PPP1CB: variants seen among roughly 807,000 people sequenced by gnomAD.
PPP1CB encodes serine/threonine-protein phosphatase PP1-beta catalytic subunit.
In PPP1CB, 2 loss-of-function variants were observed where a neutral mutation model predicts 43.7. That is an observed-to-expected ratio of 0.05 (90% CI 0.02 to 0.14). The LOEUF is 0.14. Among genes scored for constraint, PPP1CB ranks in the 10% least tolerant of loss-of-function variants. PPP1CB has a pLI of 1.00. For missense variants in PPP1CB, 84 were observed against 398.0 expected, an observed-to-expected ratio of 0.21 and a Z score of 6.71; for synonymous variants, 136 against 135.6, an observed-to-expected ratio of 1.00 and a Z score of -0.02.
chr2:28,799,291 G>A lies in PPP1CB; in HGVS notation c.972G>A (p.Pro324=), dbSNP rs771187371. 51 of 1,599,538 alleles carry A rather than the reference G, an allele frequency of 3.2e-5. No homozygotes were observed. In the Admixed American group the frequency reaches 4.0e-4, roughly 13 times the overall value. Reference sequence around the variant, plus strand: ...CTCCACCTCGAACAGCTAATCCGCCGAAGAAAAGGTGAAGAAAGGAATTCT... The same window carrying A: ...CTCCACCTCGAACAGCTAATCCGCCAAAGAAAAGGTGAAGAAAGGAATTCT... ...PVTPPRTANP[P]KKR Residue 324 remains proline, a synonymous_variant, in exon 8 of 8, where the codon CCG becomes CCA. Coordinates refer to ENST00000395366, the MANE Select transcript of PPP1CB (RefSeq NM_002709.3).
chr2:28,751,984 G>A lies in PPP1CB; in HGVS notation c.-141G>A. 1.3e-6 allele frequency: 1 copy of A among 749,562 alleles called. No homozygotes were observed. The highest frequency in any genetic ancestry group is 3.0e-5 in the East Asian group (1 of 33,814). 46.4% of individuals were successfully genotyped at this position (749,562 alleles called of 1,614,324 possible). Reference sequence around the variant, plus strand: ...CCCGGCGGGGAGGGGGTGGGGGGAGGGCCCGGGAAAAGGGGGAGTTGGAGC... The same window carrying A: ...CCCGGCGGGGAGGGGGTGGGGGGAGAGCCCGGGAAAAGGGGGAGTTGGAGC... On this transcript the variant is annotated 5_prime_UTR_variant, in exon 1 of 8. Transcript: ENST00000395366.
chr2:28,776,801 T>A (rs1367117396), intron 1 of PPP1CB, 50 bp from the exon 2 acceptor site: 1 of 1,555,694 alleles, frequency 6.4e-7, no homozygotes, highest in Non-Finnish European at 8.8e-7. Flanking sequence ...TTTGAAAGAT[T>A]ATTATGAGTA....
chr2:28,771,243 G>T (rs374347319), intron 1 of PPP1CB, among the ~76,000 whole-genome samples: 44 of 151,868 alleles, frequency 2.9e-4, no homozygotes, highest in African/African-American at 1.0e-3. Context: ...TAGTAGAGGC[G>T]GAGTTTCACC....
chr2:28,782,872 T>C (rs1460546372), intron 4 of PPP1CB: 1 of 152,206 alleles, frequency 6.6e-6, no homozygotes, highest in Non-Finnish European at 1.5e-5. Flanking sequence ...AGGTAATAAA[T>C]GGTTTATTCT....
chr2:28,780,082 TTC>T (rs1360418293), intron 3 of PPP1CB, among the ~76,000 whole-genome samples: 25 of 132,238 alleles, frequency 1.9e-4, no homozygotes, highest in African/African-American at 6.9e-4. Flanking sequence ...TTTCTTTTCT[TTC>T]TTTTTTTTTT....
At chr2:28,789,399 C>T (rs981854057) in intron 6 of PPP1CB, among the ~76,000 whole-genome samples, 2 of 151,500 alleles carry the variant, frequency 1.3e-5, no homozygotes, top group Non-Finnish European at 1.5e-5. Context: ...GTCCCAGCTA[C>T]GTGGGAGGCT....
At chr2:28,759,293 A>G (rs1441335379) in intron 1 of PPP1CB, among the ~76,000 whole-genome samples, 1 of 152,144 alleles carries the variant, frequency 6.6e-6, no homozygotes, top group Admixed American at 6.5e-5. Context: ...AGGCAGGTGG[A>G]CCACTTGAGG....
Position 28,751,937 on chromosome 2 carries a change from G to A in PPP1CB, c.-188G>A, listed in dbSNP as rs941207975. The A allele has an allele frequency of 1.7e-5, 11 of 652,742 alleles. No individual in the cohort carries two copies. The highest frequency in any genetic ancestry group is 3.1e-5 in the Non-Finnish European group (11 of 360,184). The allele number at this position is 652,742 out of a possible 1,614,324, so 40.4% of individuals were successfully genotyped here. The stretch of plus-strand genomic sequence containing the variant: ...TTATTTATTTTCCGTGGGTGCCTCC[G>A]AGTGTGCGCGCGCTCTCGCTACCCG... On this transcript the variant is annotated 5_prime_UTR_variant, in exon 1 of 8. Transcript: ENST00000395366.
At chr2:28,753,184 C>G (rs1011639379) in intron 1 of PPP1CB, among the ~76,000 whole-genome samples, 3 of 146,252 alleles carry the variant, frequency 2.1e-5, no homozygotes, top group African/African-American at 2.5e-5. Flanking sequence ...TGTAGAAAAG[C>G]CTTTAATCCT....
intron 1 of PPP1CB, among the ~76,000 whole-genome samples, chr2:28,759,626 C>A (rs1454176059): frequency 2.9e-5 from 3 of 102,826 alleles, no homozygotes; most frequent in Non-Finnish European, 4.1e-5. Flanking sequence ...TTTTTTTTTT[C>A]TTTTTTTTGA....
intron 5 of PPP1CB, among the ~76,000 whole-genome samples, chr2:28,784,374 C>G (rs1227581727): frequency 6.6e-6 from 1 of 152,012 alleles, no homozygotes; most frequent in Non-Finnish European, 1.5e-5. Flanking sequence ...ACCTTCTTTT[C>G]AAATGTCTAG....
intron 7 of PPP1CB, 89 bp downstream of exon 7, chr2:28,794,086 C>T: frequency 9.0e-7 from 1 of 1,110,480 alleles, no homozygotes; most frequent in Non-Finnish European, 1.3e-6. Context: ...TTTCCTTGAG[C>T]AAGTGTTGAA....
At chr2:28,764,897 G>A (rs1666746192) in intron 1 of PPP1CB, among the ~76,000 whole-genome samples, 2 of 148,666 alleles carry the variant, frequency 1.3e-5, no homozygotes, top group Non-Finnish European at 3.0e-5. Flanking sequence ...CTCCAGCCTG[G>A]GTGACAGAGA....
intron 1 of PPP1CB, among the ~76,000 whole-genome samples, chr2:28,776,315 T>C (rs530027612): frequency 6.6e-6 from 1 of 151,662 alleles, no homozygotes; most frequent in Non-Finnish European, 1.5e-5. Context: ...CAGGCTGGAG[T>C]GCAATGGGGC....
At chr2:28,761,220 C>A (rs1271371587) in intron 1 of PPP1CB, among the ~76,000 whole-genome samples, 2 of 152,086 alleles carry the variant, frequency 1.3e-5, no homozygotes, top group Non-Finnish European at 2.9e-5. Context: ...GAGAAACTTG[C>A]AAACCTGTCA....
In PPP1CB at chr2:28,778,855, T is replaced by G; in HGVS notation, c.231T>G (p.Tyr77Ter). 1 of 1,604,324 alleles carries G rather than the reference T, an allele frequency of 6.2e-7. No individual in the cohort carries two copies. Among genetic ancestry groups the G allele is most frequent in the Non-Finnish European group, 8.5e-7 (1 of 1,171,162 alleles). ...CAGATTTACTGAGATTATTTGAATA[T>G]GGAGGTTTCCCACCAGAAGCCAACT... Reference protein sequence around the residue: ...QYTDLLRLFEYGGFPPEANYL... With the variant: ...QYTDLLRLFE Residue 77 changes from tyrosine (Y) to a stop codon, truncating the protein, a stop_gained, in exon 3 of 8, where the codon TAT becomes TAG. Coordinates refer to ENST00000395366, the MANE Select transcript of PPP1CB (RefSeq NM_002709.3). LOFTEE classifies it high-confidence loss of function.
At chr2:28,773,347 G>A (rs1350047962) in intron 1 of PPP1CB, among the ~76,000 whole-genome samples, 1 of 152,158 alleles carries the variant, frequency 6.6e-6, no homozygotes, top group African/African-American at 2.4e-5. Flanking sequence ...TGGCCTTTAA[G>A]TTAGAAGACT....
At chr2:28,754,037 A>T (rs962153010) in intron 1 of PPP1CB, among the ~76,000 whole-genome samples, 1 of 152,164 alleles carries the variant, frequency 6.6e-6, no homozygotes, top group Non-Finnish European at 1.5e-5. Context: ...CGCCCGGCAT[A>T]TTTTTATATA....
chr2:28,776,798 G>T (rs1667054149), intron 1 of PPP1CB, 53 bp from the exon 2 acceptor site: 1 of 1,545,256 alleles, frequency 6.5e-7, no homozygotes, highest in Non-Finnish European at 8.8e-7. Flanking sequence ...CTTTTTGAAA[G>T]ATTATTATGA....
Sources: gnomAD v4.1 joint callset for allele counts (sites outside exome capture counted in the v4.1 genomes callset) on GRCh38, gnomAD v4.1.1 for gene constraint, MANE v1.5 for transcripts, NCBI Gene and HGNC (gene_info 2026-07-23, HGNC 2026-07-21) for gene names.